Variants in GTPBP2 observed in about 807,000 individuals in gnomAD.
GTPBP2 encodes the protein GTP-binding protein 2.
A neutral mutation model predicts 63.0 loss-of-function variants in GTPBP2; 32 were observed. That is an observed-to-expected ratio of 0.51 (90% CI 0.38 to 0.68). The LOEUF (loss-of-function observed/expected upper bound fraction) is 0.68. Ranked by LOEUF, GTPBP2 falls within the 30% of genes least tolerant of loss-of-function variation. The pLI is 0.00. For missense variants in GTPBP2, 492 were observed against 796.9 expected (o/e 0.62, Z 4.61); for synonymous variants, 310 against 322.6 (o/e 0.96, Z 0.42).
At position 43,628,999 on chromosome 6, in the gene GTPBP2, T is replaced by G. The variant is rs1561927519; in HGVS notation, c.164A>C (p.Asn55Thr). Reference protein sequence around the residue: ...NGRNRGGKANNPPYLPPEAED... With the variant: ...NGRNRGGKANTPPYLPPEAED... Reference sequence around the variant, plus strand: ...CACCTCGGGGGGCAAATACGGGGGGTTGTTGGCTTTGCCCCCTCTGTTCCT... The same window carrying G: ...CACCTCGGGGGGCAAATACGGGGGGGTGTTGGCTTTGCCCCCTCTGTTCCT... Residue 55 changes from asparagine to threonine, a missense_variant, in exon 1 of 12, where the codon AAC (asparagine) becomes ACC (threonine). By Grantham distance (65) the Asn-to-Thr change is moderately conservative. Coordinates refer to ENST00000307126, the MANE Select transcript of GTPBP2 (RefSeq NM_019096.5). 6.2e-7 allele frequency: 1 copy of G among 1,613,480 alleles called. No homozygotes were observed.
At position 43,621,904 on chromosome 6, in the gene GTPBP2, T is replaced by A. The variant is rs184027272; in HGVS notation, c.1632+99A>T. On this transcript the variant is annotated intron_variant, in intron 11 of 11. Coordinates refer to ENST00000307126, the MANE Select transcript of GTPBP2 (RefSeq NM_019096.5). The stretch of plus-strand genomic sequence containing the variant: ...AGGCCGCTACCCACCCTAAGTGGGG[T>A]TTTATTCCCATTGTGGGATCAAGGA... The A allele has an allele frequency of 3.1e-5, 49 of 1,593,706 alleles. No individual in the cohort carries two copies. The African/African-American group carries it at 5.5e-4, about 18-fold the overall frequency.
Position 43,625,349 on chromosome 6 carries a change from T to G in GTPBP2, c.705+14A>C, listed in dbSNP as rs758553048. On this transcript the variant is annotated intron_variant, in intron 5 of 11. Coordinates refer to ENST00000307126, the MANE Select transcript of GTPBP2 (RefSeq NM_019096.5). This position sits in a 1 kb window ranked among gnomAD's most constrained non-coding sequence, Gnocchi z 5.1. ...CAGAGTCTGGCCCCATTGGGTCCCA[T>G]TGATCCCATGCACCTCTCCCTTGCT... is the stretch of plus-strand genomic sequence containing the variant. 1.2e-6 allele frequency: 2 copies of G among 1,612,120 alleles called. No homozygotes were observed. The highest frequency in any genetic ancestry group is 1.7e-5 in the Admixed American group (1 of 60,004).
chr6:43,630,680 T>G (rs371469685), upstream of GTPBP2, among the ~76,000 whole-genome samples: 1 of 149,674 alleles, frequency 6.7e-6, no homozygotes, highest in African/African-American at 2.5e-5. Context: ...GAGGCGGAGG[T>G]TGCAGTGACC....
In GTPBP2 at chr6:43,621,498, G is replaced by A. The variant is rs762192061; in HGVS notation, c.*116C>T. ...GTTGGCAGGGAGCAAGTGGCAGACA[G>A]CACCCCTCTCTCCCTAGCCTATTAA... is the stretch of plus-strand genomic sequence containing the variant. On this transcript the variant is annotated 3_prime_UTR_variant, in exon 12 of 12. Coordinates refer to ENST00000307126, the MANE Select transcript of GTPBP2 (RefSeq NM_019096.5). The A allele has an allele frequency of 6.4e-7, 1 of 1,566,840 alleles. No homozygotes were observed.
Position 43,629,185 on chromosome 6 carries a change from G to A in GTPBP2, c.-23C>T, listed in dbSNP as rs1213672820. 1 of 653,546 alleles carries A rather than the reference G, an allele frequency of 1.5e-6. No individual in the cohort carries two copies. The highest frequency in any genetic ancestry group is 2.0e-6 in the Non-Finnish European group (1 of 505,696). 40.5% of individuals were successfully genotyped at this position (653,546 alleles called of 1,614,324 possible). ...CATCCGCCGCTGCCGCCAGCCCCCC[G>A]CCCGGCCCCTCCCCCGACCGCCGCC... On this transcript the variant is annotated 5_prime_UTR_variant, in exon 1 of 12. Coordinates refer to ENST00000307126, the MANE Select transcript of GTPBP2 (RefSeq NM_019096.5).
chr6:43,621,624 A>G lies in GTPBP2; in HGVS notation c.1799T>C (p.Met600Thr), dbSNP rs774838374. 22 of 1,614,070 alleles carry G rather than the reference A, an allele frequency of 1.4e-5. No individual in the cohort carries two copies. Among genetic ancestry groups the G allele is most frequent in the Non-Finnish European group, 1.9e-5 (22 of 1,180,020 alleles). Residue 600 changes from methionine to threonine, a missense_variant, in exon 12 of 12, where the codon ATG becomes ACG. Transcript: ENST00000307126. ...AITAGEAQANMGF is the reference protein window; with the variant it reads ...AITAGEAQANTGF Reference sequence around the variant, plus strand: ...CCCTGCCTGAAGGGTTCAGAAGCCCATGTTGGCCTGGGCTTCTCCTGCTGT... The same window carrying G: ...CCCTGCCTGAAGGGTTCAGAAGCCCGTGTTGGCCTGGGCTTCTCCTGCTGT...
At position 43,622,067 on chromosome 6, in the gene GTPBP2, A is replaced by T. The variant is rs376197382; in HGVS notation, c.1568T>A (p.Phe523Tyr). ...LFHATTFRRG[F>Y]QVTVHVGNVR... ...GTTGCCCACGTGTACTGTCACCTGGAATCCTCGTCGGAAGGTGGTGGCATG... is the reference window on the plus strand; with the variant it reads ...GTTGCCCACGTGTACTGTCACCTGGTATCCTCGTCGGAAGGTGGTGGCATG... Residue 523 changes from phenylalanine (F) to tyrosine (Y), a missense_variant, in exon 11 of 12, where the codon TTC (phenylalanine) becomes TAC (tyrosine). Around this residue, in one of 2 missense-constraint regions of GTPBP2, gnomAD observed 400 missense variants for 710.8 expected, o/e 0.56. Coordinates refer to ENST00000307126, the MANE Select transcript of GTPBP2 (RefSeq NM_019096.5). The surrounding 1 kb of genome is among the most constrained non-coding windows in gnomAD (Gnocchi z 5.4). 8 of 1,614,034 alleles carry T rather than the reference A, an allele frequency of 5.0e-6. No homozygotes were observed. The highest frequency in any genetic ancestry group is 6.8e-6 in the Non-Finnish European group (8 of 1,180,006).
upstream of GTPBP2, chr6:43,629,804 G>A: frequency 6.4e-7 from 1 of 1,559,350 alleles, no homozygotes. Context: ...GGAGGCGGAT[G>A]GTGATTAGCC....
At position 43,625,774 on chromosome 6, in the gene GTPBP2, C is replaced by T. The variant is rs531624444; in HGVS notation, c.489G>A (p.Lys163=). The change falls in exon 4 of 12, where the codon AAG becomes AAA. Residue 163 remains lysine (K), a synonymous_variant. Transcript: ENST00000307126. The surrounding 1 kb of genome is among the most constrained non-coding windows in gnomAD (Gnocchi z 5.1). Reference sequence around the variant, plus strand: ...TGCTCACCTGTTGGTTGTCAGGGACCTTTCGTACTAGCACCTCGGTGATCT... The same window carrying T: ...TGCTCACCTGTTGGTTGTCAGGGACTTTTCGTACTAGCACCTCGGTGATCT... ...PRKITEVLVR[K]VPDNQQFLDL... 5.0e-6 allele frequency: 8 copies of T among 1,613,370 alleles called. No homozygotes were observed. The East Asian group carries it at 1.8e-4, about 36-fold the overall frequency.
rs754409219 is a variant in GTPBP2 at position 43,622,647 on chromosome 6, C to T, written c.1453G>A (p.Ala485Thr). The change falls in exon 10 of 12, where the codon GCA becomes ACA. Residue 485 changes from alanine (A) to threonine (T), a missense_variant. By Grantham distance (58) the Ala-to-Thr change is moderately conservative. Transcript: ENST00000307126. This position sits in a 1 kb window ranked among gnomAD's most constrained non-coding sequence, Gnocchi z 5.4. ...ACCCACCTCACCTTGCGAAGCAGTG[C>T]ACGGTCAAAGTCCCCAAGCGCCAGT... ...ATLALGDFDR[A>T]LLRKGMVMVS... The T allele has an allele frequency of 1.2e-6, 2 of 1,612,950 alleles. No individual in the cohort carries two copies. Among genetic ancestry groups the T allele is most frequent in the East Asian group, 2.2e-5 (1 of 44,836 alleles).
rs1285994360 is a variant in GTPBP2 at position 43,624,697 on chromosome 6, G to A, written c.913C>T (p.Leu305=). The change falls in exon 7 of 12, where the codon CTG becomes TTG. Residue 305 remains leucine (L), a synonymous_variant. Transcript: ENST00000307126. This position sits in a 1 kb window ranked among gnomAD's most constrained non-coding sequence, Gnocchi z 5.1. ...ATGAAGAAGGGCACTTTCAGGGCCAGGGCCAGCCCCAGATGTTCCCTTGTG... is the reference window on the plus strand; with the variant it reads ...ATGAAGAAGGGCACTTTCAGGGCCAAGGCCAGCCCCAGATGTTCCCTTGTG... ...GTTREHLGLA[L]ALKVPFFIVV... 6.2e-7 allele frequency: 1 copy of A among 1,614,060 alleles called. No homozygotes were observed. Among genetic ancestry groups the A allele is most frequent in the Admixed American group, 1.7e-5 (1 of 60,016 alleles).
rs1768885734 is a variant in GTPBP2 at position 43,622,704 on chromosome 6, A to G, written c.1396T>C (p.Cys466Arg). 6.2e-7 allele frequency: 1 copy of G among 1,614,036 alleles called. No individual in the cohort carries two copies. Among genetic ancestry groups the G allele is most frequent in the Non-Finnish European group, 8.5e-7 (1 of 1,180,004 alleles). The change falls in exon 10 of 12, where the codon TGT (cysteine) becomes CGT (arginine). Residue 466 changes from cysteine (C) to arginine (R), a missense_variant. Cys to Arg is a radical substitution (Grantham distance 180). This residue lies in a region of GTPBP2 where 400 missense variants were observed against 710.8 expected (regional missense o/e 0.56). Coordinates refer to ENST00000307126, the MANE Select transcript of GTPBP2 (RefSeq NM_019096.5). This position sits in a 1 kb window ranked among gnomAD's most constrained non-coding sequence, Gnocchi z 5.4. ...GCCTGACCAGCTCGCAGCACACGAC[A>G]GGCAGAGCGGTTGCGCTGGATGCTG... is the stretch of plus-strand genomic sequence containing the variant. ...VCSIQRNRSACRVLRAGQAAT... is the reference protein window; with the variant it reads ...VCSIQRNRSARRVLRAGQAAT...
At chr6:43,627,881 C>G (rs1769505178) in intron 1 of GTPBP2, among the ~76,000 whole-genome samples, 2 of 150,928 alleles carry the variant, frequency 1.3e-5, no homozygotes, top group African/African-American at 5.0e-5. Context: ...TTTTTTTTCC[C>G]CATCAATAAA....
intron 1 of GTPBP2, among the ~76,000 whole-genome samples, chr6:43,627,718 G>A (rs929920752): frequency 6.6e-6 from 1 of 151,912 alleles, no homozygotes; most frequent in African/African-American, 2.4e-5. Flanking sequence ...GGATTTGCCT[G>A]TTTGGCCAGT....
Position 43,621,182 on chromosome 6 carries a change from T to G in GTPBP2, c.*432A>C. On this transcript the variant is annotated 3_prime_UTR_variant, in exon 12 of 12. Coordinates refer to ENST00000307126, the MANE Select transcript of GTPBP2 (RefSeq NM_019096.5). Reference sequence around the variant, plus strand: ...CCACAGCCAGGTAGAGATGGGCAACTTACATGGCCTTGAGAAGAGGTATAG... The same window carrying G: ...CCACAGCCAGGTAGAGATGGGCAACGTACATGGCCTTGAGAAGAGGTATAG... 1 of 344,584 alleles carries G rather than the reference T, an allele frequency of 2.9e-6. No individual in the cohort carries two copies. Among genetic ancestry groups the G allele is most frequent in the South Asian group, 2.3e-5 (1 of 44,426 alleles). The allele number at this position is 344,584 out of a possible 1,614,324, so 21.3% of individuals were successfully genotyped here.
Position 43,625,033 on chromosome 6 carries a change from T to A in GTPBP2, c.735A>T (p.Ala245=). 1.2e-6 allele frequency: 2 copies of A among 1,613,886 alleles called. No homozygotes were observed. The highest frequency in any genetic ancestry group is 1.7e-6 in the Non-Finnish European group (2 of 1,179,992). The change falls in exon 6 of 12, where the codon GCA becomes GCT. Residue 245 remains alanine (A), a synonymous_variant. Transcript: ENST00000307126. This position sits in a 1 kb window ranked among gnomAD's most constrained non-coding sequence, Gnocchi z 5.1. ...EVVNYSDSRT[A]EEICESSSKM... Reference sequence around the variant, plus strand: ...TGGAGCTGCTCTCACAGATCTCTTCTGCTGTCCGTGAGTCGCTGTAATTCA... The same window carrying A: ...TGGAGCTGCTCTCACAGATCTCTTCAGCTGTCCGTGAGTCGCTGTAATTCA...
In GTPBP2 at chr6:43,628,980, G is replaced by A. The variant is rs1482655275; in HGVS notation, c.183C>T (p.Pro61=). Residue 61 remains proline, a synonymous_variant, in exon 1 of 12, where the codon CCC becomes CCT. Transcript: ENST00000307126. The part of the protein sequence containing the change: ...GKANNPPYLP[P]EAEDGNIEYK... The stretch of plus-strand genomic sequence containing the variant: ...CTACCACTTCTCAGGTGCTCACCTC[G>A]GGGGGCAAATACGGGGGGTTGTTGG... 9.3e-6 allele frequency: 15 copies of A among 1,613,108 alleles called. No individual in the cohort carries two copies. The highest frequency in any genetic ancestry group is 1.3e-5 in the African/African-American group (1 of 74,868).
At chr6:43,629,517 C>T, upstream of GTPBP2, 1 of 617,152 alleles carries the variant, frequency 1.6e-6, no homozygotes, top group Non-Finnish European at 2.9e-6. Flanking sequence ...AGTCCTCGCG[C>T]TATGTTCTTT....
In GTPBP2 at chr6:43,629,182, C is replaced by T. The variant is rs1427167439; in HGVS notation, c.-20G>A. The T allele has an allele frequency of 1.1e-5, 15 of 1,374,490 alleles. No individual in the cohort carries two copies. Among genetic ancestry groups the T allele is most frequent in the Non-Finnish European group, 1.3e-5 (14 of 1,071,280 alleles). 85.1% of individuals were successfully genotyped at this position (1,374,490 alleles called of 1,614,324 possible). A position where few individuals can be genotyped will look rare whatever the true frequency, so the allele number is the denominator to read the frequency against. ...GTCCATCCGCCGCTGCCGCCAGCCCCCCGCCCGGCCCCTCCCCCGACCGCC... is the reference window on the plus strand; with the variant it reads ...GTCCATCCGCCGCTGCCGCCAGCCCTCCGCCCGGCCCCTCCCCCGACCGCC... On this transcript the variant is annotated 5_prime_UTR_variant, in exon 1 of 12. Coordinates refer to ENST00000307126, the MANE Select transcript of GTPBP2 (RefSeq NM_019096.5).
Sources: allele counts gnomAD v4.1 joint callset (sites outside exome capture counted in the v4.1 genomes callset), GRCh38; gene constraint gnomAD v4.1.1; regional missense constraint gnomAD v4.1.1; non-coding constraint Gnocchi (gnomAD v3.1); transcripts MANE v1.5; gene names NCBI Gene and HGNC (gene_info 2026-07-23, HGNC 2026-07-21).